RNF128: variants seen among roughly 807,000 people sequenced by gnomAD.
RNF128 encodes the protein ring finger protein 128, also known as E3 ubiquitin-protein ligase RNF128.
Under a neutral mutation model 26.2 loss-of-function variants are expected in RNF128, and 13 were observed. The observed-to-expected ratio is 0.50, with a 90% confidence interval of 0.32 to 0.79. The LOEUF is 0.79. Ranked by LOEUF, RNF128 falls within the 30% of genes least tolerant of loss-of-function variation. The probability of loss-of-function intolerance (pLI) is 0.03; values close to 1 mark genes in which losing one functional copy is unlikely to be tolerated. For synonymous variants in RNF128, 149 were observed against 142.5 expected, an observed-to-expected ratio of 1.05 and a Z score of -0.32; for missense variants, 315 against 349.7, an observed-to-expected ratio of 0.90 and a Z score of 0.79.
chrX:106,732,648 A>C (rs1602371451), intron 1 of RNF128, among the ~76,000 whole-genome samples: 1 of 112,042 alleles, frequency 8.9e-6, no homozygotes, highest in East Asian at 2.8e-4. Flanking sequence ...GGTAGAAGGA[A>C]GAAGAGCATA....
rs758180655 is a variant in RNF128 at position 106,744,758 on chromosome X, C to T, written c.484+17361C>T. On this transcript the variant is annotated intron_variant, in intron 1 of 6. Coordinates refer to ENST00000255499, the MANE Select transcript of RNF128 (RefSeq NM_194463.2). ...ACAGGCGTGAGCCACCAAGCCCAGC[C>T]GAATAAATAAATAAATATTTTTTAA... 5.4e-5 allele frequency among the ~76,000 whole-genome samples: 6 copies of T among 111,378 alleles called. No homozygotes were observed. In the South Asian group the frequency reaches 1.1e-3, roughly 21 times the overall value.
At chrX:106,785,957 A>C (rs1404889129) in intron 3 of RNF128, among the ~76,000 whole-genome samples, 1 of 111,994 alleles carries the variant, frequency 8.9e-6, no homozygotes, top group African/African-American at 3.2e-5. Context: ...TACCATGTTC[A>C]TGGGTCAGAA....
intron 2 of RNF128, 98 bp from the exon 3 acceptor site, chrX:106,784,967 C>G (rs1043102378): frequency 1.0e-5 from 6 of 600,003 alleles, no homozygotes; most frequent in Non-Finnish European, 1.5e-5. Flanking sequence ...TGTACATTGA[C>G]TTTTACCTGA....
intron 1 of RNF128, among the ~76,000 whole-genome samples, chrX:106,702,364 T>A (rs896965186): frequency 8.9e-6 from 1 of 111,956 alleles, no homozygotes. Context: ...ATTTTTAATG[T>A]TTCATTTATT....
Position 106,793,333 on chromosome X carries a change from TA to T in RNF128, c.1153+2101del, listed in dbSNP as rs780034741. ...ACTGTACCTCAGAGCAACTGTGATT[TA>T]ACATGAGGTGCAGGGCCTGGGCACA... On this transcript the variant is annotated intron_variant, in intron 6 of 6. Transcript: ENST00000255499. Among the ~76,000 whole-genome samples the T allele has an allele frequency of 3.9e-4, 43 of 111,605 alleles. 1 individual carries two copies. In the East Asian group the frequency reaches 0.01, roughly 26 times the overall value.
intron 1 of RNF128, among the ~76,000 whole-genome samples, chrX:106,707,962 G>A (rs1037480021): frequency 1.7e-4 from 19 of 111,723 alleles, no homozygotes; most frequent in African/African-American, 6.2e-4. Flanking sequence ...ATTCATCTCA[G>A]TATAGCACAG....
At chrX:106,752,177 T>C (rs2147681742) in intron 1 of RNF128, among the ~76,000 whole-genome samples, 1 of 111,081 alleles carries the variant, frequency 9.0e-6, no homozygotes, top group Admixed American at 9.6e-5. Context: ...ATTCACCACC[T>C]GCTGATTAAA....
At chrX:106,768,573 AT>A (rs2147692581) in intron 1 of RNF128, among the ~76,000 whole-genome samples, 1 of 111,596 alleles carries the variant, frequency 9.0e-6, no homozygotes, top group Admixed American at 9.5e-5. Context: ...CCCCTTTATC[AT>A]TTTTTATTGC....
At chrX:106,705,058 A>G (rs1285378042) in intron 1 of RNF128, among the ~76,000 whole-genome samples, 1 of 111,785 alleles carries the variant, frequency 8.9e-6, no homozygotes, top group Admixed American at 9.5e-5. Flanking sequence ...ATGATTGTAG[A>G]TCACAGGGAT....
At chrX:106,793,227 C>A (rs1407294448) in intron 6 of RNF128, among the ~76,000 whole-genome samples, 3 of 110,540 alleles carry the variant, frequency 2.7e-5, no homozygotes, top group South Asian at 3.9e-4. Context: ...ATTTTGAGAA[C>A]CATTGAATAA....
At chrX:106,757,516 T>C (rs1930039878) in intron 1 of RNF128, among the ~76,000 whole-genome samples, 2 of 73,723 alleles carry the variant, frequency 2.7e-5, no homozygotes, top group African/African-American at 1.0e-4. Flanking sequence ...TTCTCACTCA[T>C]AGGTGGGAAT....
chrX:106,772,747 A>G (rs916055183), intron 1 of RNF128, among the ~76,000 whole-genome samples, 166 bp from the exon 2 acceptor site: 2 of 111,425 alleles, frequency 1.8e-5, no homozygotes, highest in Admixed American at 1.9e-4. Context: ...GCGTGTTTAT[A>G]TAACCTACAA....
chrX:106,694,395 G>A, exon 1 of RNF128: 1 of 1,182,069 alleles, frequency 8.5e-7, no homozygotes, highest in Non-Finnish European at 1.1e-6. Flanking sequence ...AGACGATACA[G>A]ATGGCAAATT....
chrX:106,749,163 T>C (rs1929838772), intron 1 of RNF128, among the ~76,000 whole-genome samples: 1 of 112,019 alleles, frequency 8.9e-6, no homozygotes. Context: ...AATATTCCCT[T>C]CACTTTCTAT....
At chrX:106,706,704 T>C (rs1201458201) in intron 1 of RNF128, among the ~76,000 whole-genome samples, 2 of 112,358 alleles carry the variant, frequency 1.8e-5, no homozygotes, top group African/African-American at 6.5e-5. Flanking sequence ...CTAGCAATAC[T>C]ACTTTAAACG....
intron 2 of RNF128, among the ~76,000 whole-genome samples, chrX:106,773,594 C>T (rs987106515): frequency 3.6e-5 from 4 of 110,919 alleles, no homozygotes; most frequent in African/African-American, 1.3e-4. Flanking sequence ...TTTATATGTA[C>T]GTCTGTATTT....
At chrX:106,726,014 A>G, upstream of RNF128, among the ~76,000 whole-genome samples, 1 of 113,319 alleles carries the variant, frequency 8.8e-6, no homozygotes, top group South Asian at 3.6e-4. Flanking sequence ...TGAATAGCGC[A>G]GGAACATCCG....
intron 1 of RNF128, among the ~76,000 whole-genome samples, chrX:106,740,366 C>T (rs1470542272): frequency 1.8e-5 from 2 of 111,213 alleles, no homozygotes. Flanking sequence ...AGTACAGGTA[C>T]CTTTCATGCA....
chrX:106,734,130 C>G (rs1364692902), intron 1 of RNF128, among the ~76,000 whole-genome samples: 1 of 111,558 alleles, frequency 9.0e-6, no homozygotes, highest in Admixed American at 9.5e-5. Flanking sequence ...AGATGGTCCT[C>G]TTGTAGTTGA....
Sources: allele counts gnomAD v4.1 joint callset (sites outside exome capture counted in the v4.1 genomes callset), GRCh38; gene constraint gnomAD v4.1.1; transcripts MANE v1.5; gene names NCBI Gene and HGNC (gene_info 2026-07-23, HGNC 2026-07-21).